Variants in PALS2 observed in about 807,000 individuals in gnomAD.
PALS2 encodes the protein protein PALS2.
Under a neutral mutation model 61.6 loss-of-function variants are expected in PALS2, and 27 were observed. That is an observed-to-expected ratio of 0.44 (90% CI 0.32 to 0.60). The LOEUF is 0.60. Ranked by LOEUF, PALS2 falls within the 20% of genes least tolerant of loss-of-function variation. The probability of loss-of-function intolerance (pLI) is 0.05; values close to 1 mark genes in which losing one functional copy is unlikely to be tolerated. For synonymous variants in PALS2, 236 were observed against 218.6 expected (o/e 1.08, Z -0.70); for missense variants, 554 against 639.4 (o/e 0.87, Z 1.44).
chr7:24,629,746 A>G (rs1039785756), intron 2 of PALS2, among the ~76,000 whole-genome samples: 5 of 152,258 alleles, frequency 3.3e-5, no homozygotes, highest in Admixed American at 6.5e-5. Flanking sequence ...ATCACTGGTC[A>G]TTAGAGAAAT....
At chr7:24,684,183 T>A (rs1788079532) in intron 11 of PALS2, among the ~76,000 whole-genome samples, 1 of 151,968 alleles carries the variant, frequency 6.6e-6, no homozygotes, top group African/African-American at 2.4e-5. Context: ...CACTGCAACC[T>A]CTGCCTCCCA....
chr7:24,675,334 G>C (rs1014160457), intron 9 of PALS2, among the ~76,000 whole-genome samples: 1 of 151,496 alleles, frequency 6.6e-6, no homozygotes, highest in Non-Finnish European at 1.5e-5. Context: ...TATTTGGGGA[G>C]TTACAAGTTG....
At chr7:24,657,228 C>G (rs1324249513) in intron 5 of PALS2, among the ~76,000 whole-genome samples, 3 of 152,032 alleles carry the variant, frequency 2.0e-5, no homozygotes, top group Admixed American at 2.0e-4. Flanking sequence ...GAGTATATAC[C>G]AGGGGTTGAA....
intron 5 of PALS2, among the ~76,000 whole-genome samples, chr7:24,654,865 A>G (rs1430423143): frequency 5.4e-5 from 8 of 149,396 alleles, no homozygotes; most frequent in Non-Finnish European, 1.2e-4. Context: ...GAGCTCAGAA[A>G]GAGACCTACA....
intron 5 of PALS2, among the ~76,000 whole-genome samples, chr7:24,656,414 A>G (rs1326325328): frequency 6.6e-6 from 1 of 152,236 alleles, no homozygotes; most frequent in Non-Finnish European, 1.5e-5. Context: ...TAAAGTTTAT[A>G]TAAATAACAT....
rs1026813577 is a variant in PALS2 at position 24,690,809 on chromosome 7, A to G, written c.*3195A>G. On this transcript the variant is annotated 3_prime_UTR_variant, in exon 12 of 12. Transcript: ENST00000222644. ...ATTGCTGAACATAGCTTTCTGAAATAGAAATTATAAGAGAAACCCAGTATG... is the reference window on the plus strand; with the variant it reads ...ATTGCTGAACATAGCTTTCTGAAATGGAAATTATAAGAGAAACCCAGTATG... 3.9e-5 allele frequency: 6 copies of G among 152,344 alleles called. No homozygotes were observed. The highest frequency in any genetic ancestry group is 2.1e-4 in the South Asian group (1 of 4,830). The allele number at this position is 152,344 out of a possible 1,614,324, so 9.4% of individuals were successfully genotyped here. A position where few individuals can be genotyped will look rare whatever the true frequency, so the allele number is the denominator to read the frequency against.
At chr7:24,664,666 A>G (rs948898639) in intron 6 of PALS2, among the ~76,000 whole-genome samples, 8 of 152,162 alleles carry the variant, frequency 5.3e-5, no homozygotes, top group Non-Finnish European at 1.0e-4. Context: ...CATTATGTAT[A>G]AGTGCACTAT....
At chr7:24,671,672 C>T (rs533041585) in intron 9 of PALS2, among the ~76,000 whole-genome samples, 1 of 152,140 alleles carries the variant, frequency 6.6e-6, no homozygotes, top group African/African-American at 2.4e-5. Context: ...ACTACTGACT[C>T]TTACATGCAG....
chr7:24,656,040 A>G (rs1786399248), intron 5 of PALS2, among the ~76,000 whole-genome samples: 1 of 152,192 alleles, frequency 6.6e-6, no homozygotes, highest in Admixed American at 6.5e-5. Context: ...TTAGAAAAAG[A>G]GCATCCTTCC....
chr7:24,576,851 C>T (rs1183527361), intron 1 of PALS2, among the ~76,000 whole-genome samples: 2 of 152,158 alleles, frequency 1.3e-5, no homozygotes, highest in East Asian at 1.9e-4. Context: ...GTGTTCATTT[C>T]ACCGCAGAGG....
chr7:24,619,431 T>C (rs1784408885), intron 1 of PALS2, among the ~76,000 whole-genome samples: 1 of 152,070 alleles, frequency 6.6e-6, no homozygotes, highest in African/African-American at 2.4e-5. Context: ...AAGAATCCCA[T>C]TTATGGCTGG....
chr7:24,574,599 A>G (rs570355305), intron 1 of PALS2, among the ~76,000 whole-genome samples: 4 of 152,068 alleles, frequency 2.6e-5, no homozygotes, highest in Admixed American at 6.5e-5. Flanking sequence ...CATTACTTAT[A>G]AACAGCCGGG....
In PALS2 at chr7:24,691,405, G is replaced by GTATATATATATATATA. The variant is rs70942878; in HGVS notation, c.*3816_*3831dup. ...ATATTATGTATGTGTGTGTGTGTGT[G>GTATATATATATATATA]TATATATATATATATATATATATAT... On this transcript the variant is annotated 3_prime_UTR_variant, in exon 12 of 12. Coordinates refer to ENST00000222644, the MANE Select transcript of PALS2 (RefSeq NM_001303037.2). The GTATATATATATATATA allele has an allele frequency of 9.0e-6, 1 of 110,594 alleles. No homozygotes were observed. The highest frequency in any genetic ancestry group is 1.9e-5 in the Non-Finnish European group (1 of 52,306). 6.9% of individuals were successfully genotyped at this position (110,594 alleles called of 1,614,324 possible).
chr7:24,600,285 A>G lies in PALS2; in HGVS notation c.-2-23381A>G, dbSNP rs1390853719. 2.0e-5 allele frequency among the ~76,000 whole-genome samples: 3 copies of G among 152,132 alleles called. 1 individual carries two copies. Among genetic ancestry groups the G allele is most frequent in the East Asian group, 3.8e-4 (2 of 5,204 alleles). ...GAGAGAATTATTCAGCTGCATTATA[A>G]TCTTTTGGAACCACTGTTGTATATG... On this transcript the variant is annotated intron_variant, in intron 1 of 11. Coordinates refer to ENST00000222644, the MANE Select transcript of PALS2 (RefSeq NM_001303037.2).
At chr7:24,601,201 G>A (rs1783709041) in intron 1 of PALS2, among the ~76,000 whole-genome samples, 1 of 152,012 alleles carries the variant, frequency 6.6e-6, no homozygotes, top group Non-Finnish European at 1.5e-5. Context: ...CAATCCCTCA[G>A]TTCTTTCACC....
chr7:24,614,139 A>G (rs981222484), intron 1 of PALS2, among the ~76,000 whole-genome samples: 3 of 151,780 alleles, frequency 2.0e-5, no homozygotes, highest in African/African-American at 4.8e-5. Context: ...TGGTAGTTCT[A>G]TTTGTAGATT....
chr7:24,613,744 TC>T (rs971224474), intron 1 of PALS2, among the ~76,000 whole-genome samples: 6 of 151,748 alleles, frequency 4.0e-5, no homozygotes, highest in African/African-American at 1.2e-4. Context: ...ACCCCTTCTT[TC>T]CCCCTATTCT....
rs368857094 is a variant in PALS2 at position 24,680,372 on chromosome 7, A to T, written c.1318-20A>T. 5 of 1,603,798 alleles carry T rather than the reference A, an allele frequency of 3.1e-6. No homozygotes were observed. The highest frequency in any genetic ancestry group is 4.3e-6 in the Non-Finnish European group (5 of 1,171,422). Reference sequence around the variant, plus strand: ...GTTCTAATATTGTATAAATTGGCTTATAATTATTCTTTTACACAGGCACTG... The same window carrying T: ...GTTCTAATATTGTATAAATTGGCTTTTAATTATTCTTTTACACAGGCACTG... On this transcript the variant is annotated intron_variant, in intron 10 of 11. Coordinates refer to ENST00000222644, the MANE Select transcript of PALS2 (RefSeq NM_001303037.2).
chr7:24,588,517 G>C (rs1416047545), intron 1 of PALS2, among the ~76,000 whole-genome samples: 2 of 152,044 alleles, frequency 1.3e-5, no homozygotes, highest in Non-Finnish European at 2.9e-5. Context: ...CAAGTCCCAG[G>C]TCTGGGTTGA....
Sources: gnomAD v4.1 joint callset for allele counts (sites outside exome capture counted in the v4.1 genomes callset) on GRCh38, gnomAD v4.1.1 for gene constraint, MANE v1.5 for transcripts, NCBI Gene and HGNC (gene_info 2026-07-23, HGNC 2026-07-21) for gene names.